DOP1B: variants seen among roughly 807,000 people sequenced by gnomAD.
DOP1B encodes the protein protein DOP1B.
In DOP1B, 174 loss-of-function variants were observed where a neutral mutation model predicts 233.5. The ratio of observed to expected loss-of-function variants is 0.75; its 90% CI spans 0.66 to 0.85. The LOEUF (loss-of-function observed/expected upper bound fraction) is 0.85. DOP1B is among the 40% of genes least tolerant of loss of function. The pLI is 0.00. For synonymous variants in DOP1B, 1,190 were observed against 1,185.6 expected (o/e 1.00, Z -0.08); for missense variants, 2,652 against 2,846.6 (o/e 0.93, Z 1.56).
chr21:36,200,516 T>G lies in DOP1B; in HGVS notation c.491+15T>G, dbSNP rs1197737831. ...ATCTCCGACAGGTGCGTGGGCGTCT[T>G]GTCCAGGCTGTGTTTACTCCACTGC... On this transcript the variant is annotated intron_variant, in intron 4 of 36. Coordinates refer to ENST00000691173, the MANE Select transcript of DOP1B (RefSeq NM_001320714.2). The G allele has an allele frequency of 2.5e-6, 4 of 1,591,080 alleles. No individual in the cohort carries two copies. Among genetic ancestry groups the G allele is most frequent in the Non-Finnish European group, 3.4e-6 (4 of 1,170,944 alleles).
At chr21:36,291,557 C>T (rs1400288911) in intron 35 of DOP1B, among the ~76,000 whole-genome samples, 3 of 151,722 alleles carry the variant, frequency 2.0e-5, no homozygotes, top group Admixed American at 2.0e-4. Context: ...GAGACTGTCT[C>T]AAAAAAACAA....
intron 23 of DOP1B, among the ~76,000 whole-genome samples, 188 bp downstream of exon 23, chr21:36,254,097 T>G (rs996252070): frequency 1.3e-5 from 2 of 152,110 alleles, no homozygotes; most frequent in African/African-American, 4.8e-5. Flanking sequence ...ATCTGGTGCT[T>G]CTTTTTTAAG....
intron 2 of DOP1B, among the ~76,000 whole-genome samples, chr21:36,179,728 C>T (rs1405066604): frequency 1.3e-5 from 2 of 152,138 alleles, no homozygotes; most frequent in African/African-American, 2.4e-5. Context: ...ATAGCCCACT[C>T]AATCTTGTGT....
At chr21:36,225,224 A>AGAATT (rs1245166658) in intron 11 of DOP1B, among the ~76,000 whole-genome samples, 1 of 151,972 alleles carries the variant, frequency 6.6e-6, no homozygotes, top group East Asian at 1.9e-4. Context: ...CGCAGGAAGA[A>AGAATT]GAATTGATTT....
intron 2 of DOP1B, chr21:36,169,844 C>T: frequency 1.1e-6 from 1 of 917,774 alleles, no homozygotes; most frequent in Non-Finnish European, 1.8e-6. Flanking sequence ...CTTTTGCACT[C>T]ATCGTTGATG....
Position 36,227,740 on chromosome 21 carries a change from G to T in DOP1B, c.1528G>T (p.Val510Leu). 6.2e-7 allele frequency: 1 copy of T among 1,611,000 alleles called. No homozygotes were observed. Among genetic ancestry groups the T allele is most frequent in the East Asian group, 2.2e-5 (1 of 44,790 alleles). ...QYLPQVLGCL[V>L]QPLAEDMEAL... ...TCTCCCTCAGGTGCTCGGCTGCCTG[G>T]TGCAGCCTCTTGCTGAGGACATGGA... Residue 510 changes from valine (V) to leucine (L), a missense_variant, in exon 13 of 37, where the codon GTG (valine) becomes TTG (leucine). Around this residue, in one of 3 missense-constraint regions of DOP1B, gnomAD observed 2,617 missense variants for 2,794.3 expected, o/e 0.94. Transcript: ENST00000691173.
chr21:36,171,467 C>A (rs2242810), intron 2 of DOP1B, among the ~76,000 whole-genome samples: 1 of 151,922 alleles, frequency 6.6e-6, no homozygotes, highest in Non-Finnish European at 1.5e-5. Flanking sequence ...CAGAGCTAAT[C>A]GAGCTAGAGG....
chr21:36,239,647 C>G (rs2066869251), intron 17 of DOP1B, 118 bp from the exon 18 acceptor site: 1 of 1,196,006 alleles, frequency 8.4e-7, no homozygotes, highest in Non-Finnish European at 1.1e-6. Flanking sequence ...GGAAGTCCAG[C>G]TTGGGTGGAG....
chr21:36,277,200 C>T (rs768801527), intron 28 of DOP1B, 100 bp downstream of exon 28: 101 of 1,185,900 alleles, frequency 8.5e-5, no homozygotes, highest in Non-Finnish European at 1.1e-4. Flanking sequence ...GAGCGTGGGC[C>T]GCACCCTCCC....
chr21:36,171,427 A>G (rs2065970902), intron 2 of DOP1B, among the ~76,000 whole-genome samples: 1 of 152,202 alleles, frequency 6.6e-6, no homozygotes, highest in Non-Finnish European at 1.5e-5. Context: ...GTACCTCAGT[A>G]TGTAACTTGA....
intron 7 of DOP1B, among the ~76,000 whole-genome samples, chr21:36,212,405 G>A (rs2066510034): frequency 2.0e-5 from 3 of 152,252 alleles, no homozygotes. Flanking sequence ...GTAGAAGCCT[G>A]TTGCTATGGA....
At chr21:36,159,018 G>A (rs910728388) in intron 1 of DOP1B, among the ~76,000 whole-genome samples, 19 of 151,786 alleles carry the variant, frequency 1.3e-4, no homozygotes, top group Admixed American at 9.8e-4. Context: ...TGTAATCCCA[G>A]CTACTCGGGA....
chr21:36,188,110 G>A (rs1429280761), intron 2 of DOP1B, among the ~76,000 whole-genome samples: 2 of 152,216 alleles, frequency 1.3e-5, no homozygotes, highest in Non-Finnish European at 1.5e-5. Flanking sequence ...TGGAAGCTGG[G>A]ATTTGGGTAT....
At chr21:36,289,635 G>A (rs1175042438) in intron 35 of DOP1B, among the ~76,000 whole-genome samples, 2 of 152,040 alleles carry the variant, frequency 1.3e-5, no homozygotes, top group Non-Finnish European at 2.9e-5. Context: ...GTTTCCTGCC[G>A]GCTTAGCACA....
chr21:36,252,577 G>A (rs967958309), intron 22 of DOP1B, among the ~76,000 whole-genome samples: 1 of 148,620 alleles, frequency 6.7e-6, no homozygotes, highest in Non-Finnish European at 1.5e-5. Context: ...GAGACAGAGC[G>A]ATCTCAGCTC....
rs756035522 is a variant in DOP1B, at chr21:36,214,456, A to G, written c.1029A>G (p.Ile343Met). 5 of 1,612,582 alleles carry G rather than the reference A, an allele frequency of 3.1e-6. No homozygotes were observed. The highest frequency in any genetic ancestry group is 1.3e-5 in the African/African-American group (1 of 74,796). ...KDLLVEGLAE[I>M]LHQKFIDADV... ...TTAAATAATAGGGTTTGGCTGAGAT[A>G]TTGCATCAGAAGTTCATAGATGCTG... is the stretch of plus-strand genomic sequence containing the variant. Residue 343 changes from isoleucine (I) to methionine (M), a missense_variant, in exon 9 of 37, where the codon ATA becomes ATG. By Grantham distance (10) the Ile-to-Met change is conservative. This residue lies in a region of DOP1B where 2,617 missense variants were observed against 2,794.3 expected (regional missense o/e 0.94). Transcript: ENST00000691173.
rs148857705 is a variant in DOP1B, at chr21:36,277,284, G to A, written c.5712+184G>A. On this transcript the variant is annotated intron_variant, in intron 28 of 36. Transcript: ENST00000691173. Reference sequence around the variant, plus strand: ...GTTTTGGGTTAGGTTTTGCTTTAAGGACTGCACTTTTTTTTTTGAGACAGA... The same window carrying A: ...GTTTTGGGTTAGGTTTTGCTTTAAGAACTGCACTTTTTTTTTTGAGACAGA... Among the ~76,000 whole-genome samples, 338 of 152,144 alleles carry A rather than the reference G, an allele frequency of 2.2e-3. 1 individual carries two copies. The highest frequency in any genetic ancestry group is 7.4e-3 in the African/African-American group (309 of 41,520).
chr21:36,181,725 C>G (rs771247530), intron 2 of DOP1B, among the ~76,000 whole-genome samples: 42 of 152,194 alleles, frequency 2.8e-4, no homozygotes, highest in Non-Finnish European at 4.7e-4. Context: ...TATGTCCACC[C>G]ATGCCTCCCA....
rs1024768723 is a variant in DOP1B, at chr21:36,270,626, C to G, written c.5632+469C>G. On this transcript the variant is annotated intron_variant, in intron 27 of 36. Transcript: ENST00000691173. Reference sequence around the variant, plus strand: ...GTTAGTCAAACTTTAGAAAACATCACTTTGAGGCCAGGCATGGTGGCTCAC... The same window carrying G: ...GTTAGTCAAACTTTAGAAAACATCAGTTTGAGGCCAGGCATGGTGGCTCAC... Among the ~76,000 whole-genome samples, 3 of 140,610 alleles carry G rather than the reference C, an allele frequency of 2.1e-5. 1 individual carries two copies. Among genetic ancestry groups the G allele is most frequent in the African/African-American group, 7.9e-5 (3 of 37,776 alleles). The allele number at this position is 140,610 out of a possible 152,430, so 92.2% of individuals were successfully genotyped here.
Sources: gnomAD v4.1 joint callset for allele counts (sites outside exome capture counted in the v4.1 genomes callset) on GRCh38, gnomAD v4.1.1 for gene constraint, gnomAD v4.1.1 regional missense constraint, MANE v1.5 for transcripts, NCBI Gene and HGNC (gene_info 2026-07-23, HGNC 2026-07-21) for gene names.